Variants in REV1 observed in about 807,000 individuals in gnomAD.
REV1 encodes the protein REV1 DNA directed polymerase, also known as translesion synthesis protein REV1.
Under a neutral mutation model 137.4 loss-of-function variants are expected in REV1, and 42 were observed. The ratio of observed to expected loss-of-function variants is 0.31; its 90% CI spans 0.24 to 0.40. REV1 has a LOEUF of 0.40. Ranked by LOEUF, REV1 falls within the 10% of genes least tolerant of loss-of-function variation. The probability of loss-of-function intolerance (pLI) is 1.00; values close to 1 mark genes in which losing one functional copy is unlikely to be tolerated. For synonymous variants in REV1, 524 were observed against 519.2 expected, an observed-to-expected ratio of 1.01 and a Z score of -0.12; for missense variants, 1,282 against 1,490.1, an observed-to-expected ratio of 0.86 and a Z score of 2.30.
intron 3 of REV1, among the ~76,000 whole-genome samples, chr2:99,453,760 A>C (rs1683193316): frequency 6.6e-6 from 1 of 150,764 alleles, no homozygotes; most frequent in Non-Finnish European, 1.5e-5. Flanking sequence ...GGGCATGGTA[A>C]CACGCGCCTG....
At chr2:99,460,856 G>A (rs1684104357) in intron 3 of REV1, among the ~76,000 whole-genome samples, 3 of 151,930 alleles carry the variant, frequency 2.0e-5, no homozygotes, top group African/African-American at 7.3e-5. Flanking sequence ...ACAAAAATTA[G>A]TGATAAAAGC....
intron 1 of REV1, among the ~76,000 whole-genome samples, chr2:99,467,190 T>C (rs1684904381): frequency 6.6e-6 from 1 of 151,798 alleles, no homozygotes; most frequent in African/African-American, 2.4e-5. Context: ...ACAAGGCCAA[T>C]AAGAAAATTC....
At chr2:99,470,708 T>C (rs1171728730) in intron 1 of REV1, among the ~76,000 whole-genome samples, 3 of 152,190 alleles carry the variant, frequency 2.0e-5, no homozygotes, top group Non-Finnish European at 2.9e-5. Flanking sequence ...ATTGGCTAAG[T>C]TGCTAGCCAA....
intron 3 of REV1, among the ~76,000 whole-genome samples, chr2:99,454,450 T>G (rs1031173594): frequency 6.7e-6 from 1 of 149,514 alleles, no homozygotes; most frequent in African/African-American, 2.5e-5. Context: ...CTTGGGAGGC[T>G]GAGGCAGGAG....
intron 18 of REV1, 63 bp downstream of exon 18, chr2:99,404,381 T>A (rs1675969016): frequency 7.5e-7 from 1 of 1,335,454 alleles, no homozygotes; most frequent in Non-Finnish European, 1.1e-6. Flanking sequence ...AGACAGGTCC[T>A]AAGTTGGAGC....
intron 22 of REV1, among the ~76,000 whole-genome samples, chr2:99,402,028 C>T (rs1472945722): frequency 2.6e-5 from 4 of 152,236 alleles, no homozygotes; most frequent in Non-Finnish European, 5.9e-5. Context: ...CTGTGCCCAG[C>T]CCACTTCCTA....
intron 1 of REV1, among the ~76,000 whole-genome samples, chr2:99,485,300 CTCTTA>C (rs960133620): frequency 6.6e-6 from 1 of 151,942 alleles, no homozygotes; most frequent in African/African-American, 2.4e-5. Context: ...ATTCTTTCTT[CTCTTA>C]TTTCTGTATC....
chr2:99,410,131 C>A (rs1195081471), intron 14 of REV1, among the ~76,000 whole-genome samples: 1 of 152,048 alleles, frequency 6.6e-6, no homozygotes, highest in Non-Finnish European at 1.5e-5. Context: ...CTGCCCCAGC[C>A]TCCTGAGTAG....
intron 4 of REV1, among the ~76,000 whole-genome samples, chr2:99,444,780 G>A (rs566245526): frequency 1.3e-5 from 2 of 152,252 alleles, no homozygotes; most frequent in South Asian, 4.1e-4. Context: ...AACATTATCT[G>A]AAAGCATATT....
At chr2:99,409,976 C>T (rs1342070985) in intron 14 of REV1, among the ~76,000 whole-genome samples, 1 of 151,422 alleles carries the variant, frequency 6.6e-6, no homozygotes, top group African/African-American at 2.4e-5. Context: ...AGTTGCTCTC[C>T]TTCACCATCA....
At chr2:99,406,730 A>G (rs1676345682) in intron 15 of REV1, 1 of 323,562 alleles carries the variant, frequency 3.1e-6, no homozygotes, top group Non-Finnish European at 5.5e-6. Context: ...AAAATATACC[A>G]AAAGATCTTT....
At chr2:99,445,884 A>G (rs886955938) in intron 4 of REV1, among the ~76,000 whole-genome samples, 5 of 152,338 alleles carry the variant, frequency 3.3e-5, no homozygotes, top group Admixed American at 3.3e-4. Flanking sequence ...CCACATACTT[A>G]CAAGTGGCAG....
intron 6 of REV1, among the ~76,000 whole-genome samples, chr2:99,436,995 T>TC (rs1021924834): frequency 4.0e-5 from 6 of 151,108 alleles, no homozygotes; most frequent in East Asian, 3.9e-4. Flanking sequence ...TTTTTGTTTT[T>TC]TTTTTTTTTT....
chr2:99,420,331 T>A (rs920157591), intron 11 of REV1, among the ~76,000 whole-genome samples: 1 of 152,162 alleles, frequency 6.6e-6, no homozygotes, highest in East Asian at 1.9e-4. Context: ...ACCTCTTACC[T>A]GGAAGCACAC....
chr2:99,431,833 C>G, intron 8 of REV1: 1 of 985,366 alleles, frequency 1.0e-6, no homozygotes, highest in Non-Finnish European at 1.2e-6. Context: ...ACACACTGTC[C>G]TCACTGGAGG....
Position 99,402,968 on chromosome 2 carries a change from A to G in REV1, c.3305T>C (p.Leu1102Pro), listed in dbSNP as rs3087400. The G allele has an allele frequency of 5.1e-4, 827 of 1,614,232 alleles. 6 individuals carry two copies. The African/African-American group carries it at 1.0e-2, about 19-fold the overall frequency. The change falls in exon 20 of 23, where the codon CTG becomes CCG. Residue 1102 changes from leucine to proline, a missense_variant. Coordinates refer to ENST00000258428, the MANE Select transcript of REV1 (RefSeq NM_016316.4). Reference protein sequence around the residue: ...NKLLNSPAKTLPGACGSPQKL... With the variant: ...NKLLNSPAKTPPGACGSPQKL... Reference sequence around the variant, plus strand: ...CTGGGGACTGCCACAGGCCCCTGGCAGAGTTTTTGCAGGACTGTTAAGCAG... The same window carrying G: ...CTGGGGACTGCCACAGGCCCCTGGCGGAGTTTTTGCAGGACTGTTAAGCAG...
chr2:99,412,726 A>G lies in REV1; in HGVS notation c.2172+5T>C, dbSNP rs749372697. ...AGATGGCAAAATCTGTTCAATGATC[A>G]GTACCTGAGTAAACCTTATTCCATA... is the stretch of plus-strand genomic sequence containing the variant. On this transcript the variant is annotated splice_donor_5th_base_variant and intron_variant, in intron 13 of 22. Transcript: ENST00000258428. 13 of 1,607,782 alleles carry G rather than the reference A, an allele frequency of 8.1e-6. 2 individuals are homozygous for G. In the South Asian group the frequency reaches 1.3e-4, roughly 16 times the overall value.
At chr2:99,448,118 G>T (rs547280780) in intron 4 of REV1, among the ~76,000 whole-genome samples, 1 of 152,180 alleles carries the variant, frequency 6.6e-6, no homozygotes, top group African/African-American at 2.4e-5. Context: ...CTGCTTCTCC[G>T]TGAATTTATG....
intron 6 of REV1, among the ~76,000 whole-genome samples, chr2:99,436,471 T>C (rs762206227): frequency 6.6e-6 from 1 of 152,178 alleles, no homozygotes; most frequent in Non-Finnish European, 1.5e-5. Flanking sequence ...TGTGATTCTG[T>C]CTCAAGCAGT....
Sources: gnomAD v4.1 joint callset for allele counts (sites outside exome capture counted in the v4.1 genomes callset) on GRCh38, gnomAD v4.1.1 for gene constraint, MANE v1.5 for transcripts, NCBI Gene and HGNC (gene_info 2026-07-23, HGNC 2026-07-21) for gene names.